Variants in ATF6 observed in about 807,000 individuals in gnomAD.
The protein encoded by ATF6 is activating transcription factor 6.
In ATF6, 53 loss-of-function variants were observed where a neutral mutation model predicts 83.6. That is an observed-to-expected ratio of 0.63 (90% confidence interval 0.51 to 0.80). The LOEUF (loss-of-function observed/expected upper bound fraction) is 0.80. Ranked by LOEUF, ATF6 falls within the 30% of genes least tolerant of loss-of-function variation. The pLI is 0.00. For missense variants in ATF6, 744 were observed against 797.9 expected, an observed-to-expected ratio of 0.93 and a Z score of 0.81; for synonymous variants, 288 against 285.8, an observed-to-expected ratio of 1.01 and a Z score of -0.08.
At chr1:161,933,911 A>G (rs938533531) in intron 15 of ATF6, among the ~76,000 whole-genome samples, 1 of 152,146 alleles carries the variant, frequency 6.6e-6, no homozygotes, top group African/African-American at 2.4e-5. Flanking sequence ...GGCTCGCTTC[A>G]CTTCATTTAC....
chr1:161,767,007 C>A (rs1292806027), intron 1 of ATF6, among the ~76,000 whole-genome samples: 1 of 152,098 alleles, frequency 6.6e-6, no homozygotes, highest in Non-Finnish European at 1.5e-5. Context: ...TGACTGCTCT[C>A]CAGATACAGC....
Position 161,790,350 on chromosome 1 carries a change from A to T in ATF6, c.355-1058A>T, listed in dbSNP as rs1219003290. Reference sequence around the variant, plus strand: ...AAGTAGAGATTATGTCTATTGCGTGATCATGCATGCCATCTTTTCTGTCTG... The same window carrying T: ...AAGTAGAGATTATGTCTATTGCGTGTTCATGCATGCCATCTTTTCTGTCTG... On this transcript the variant is annotated intron_variant, in intron 4 of 15. Transcript: ENST00000367942. Among the ~76,000 whole-genome samples the T allele has an allele frequency of 3.3e-5, 5 of 152,174 alleles. No individual in the cohort carries two copies. In the East Asian group the frequency reaches 9.6e-4, roughly 29 times the overall value.
intron 1 of ATF6, among the ~76,000 whole-genome samples, chr1:161,767,336 T>C (rs1684287804): frequency 6.6e-6 from 1 of 152,234 alleles, no homozygotes; most frequent in Non-Finnish European, 1.5e-5. Flanking sequence ...CTCAACTTTT[T>C]ATTGAACAAA....
At chr1:161,908,413 A>G (rs1223519772) in intron 14 of ATF6, among the ~76,000 whole-genome samples, 1 of 152,222 alleles carries the variant, frequency 6.6e-6, no homozygotes, top group African/African-American at 2.4e-5. Flanking sequence ...ATTGCTTGGA[A>G]GAGGGAATTG....
intron 15 of ATF6, among the ~76,000 whole-genome samples, chr1:161,943,482 G>A (rs751376814): frequency 7.9e-5 from 12 of 152,086 alleles, no homozygotes; most frequent in South Asian, 2.1e-4. Context: ...GTGTGAGAAC[G>A]GACTAATACA....
intron 15 of ATF6, among the ~76,000 whole-genome samples, chr1:161,957,518 A>T (rs947289976): frequency 1.3e-5 from 2 of 152,202 alleles, no homozygotes; most frequent in African/African-American, 4.8e-5. Context: ...AAGTTGGAAG[A>T]TGACCACCCA....
intron 7 of ATF6, among the ~76,000 whole-genome samples, chr1:161,803,382 T>C (rs1685203740): frequency 6.6e-6 from 1 of 152,192 alleles, no homozygotes; most frequent in Non-Finnish European, 1.5e-5. Context: ...AAACAATGCA[T>C]GTCAAGACAT....
At position 161,766,381 on chromosome 1, in the gene ATF6, T is replaced by G. The variant is rs760186881; in HGVS notation, c.21T>G (p.Val7=). The G allele has an allele frequency of 3.7e-6, 6 of 1,613,038 alleles. No homozygotes were observed. The highest frequency in any genetic ancestry group is 5.1e-6 in the Non-Finnish European group (6 of 1,179,470). The change falls in exon 1 of 16, where the codon GTT becomes GTG. Residue 7 remains valine (V), a synonymous_variant. Transcript: ENST00000367942. ...GTGAAATGGGGGAGCCGGCTGGGGT[T>G]GCCGGCACCATGGAGTCACCTTTTA... MGEPAG[V]AGTMESPFSP...
intron 14 of ATF6, among the ~76,000 whole-genome samples, chr1:161,904,927 T>A (rs1045078285): frequency 2.0e-5 from 3 of 152,210 alleles, no homozygotes; most frequent in Admixed American, 1.3e-4. Context: ...GGTTAAAATT[T>A]CTTATTCCAC....
chr1:161,897,626 G>C (rs1326512269), intron 14 of ATF6, among the ~76,000 whole-genome samples: 2 of 152,098 alleles, frequency 1.3e-5, no homozygotes, highest in Non-Finnish European at 2.9e-5. Flanking sequence ...CCCAAAAGAA[G>C]TTTATCTTTT....
At chr1:161,861,938 G>C (rs904725581) in intron 13 of ATF6, among the ~76,000 whole-genome samples, 2 of 152,194 alleles carry the variant, frequency 1.3e-5, no homozygotes, top group South Asian at 4.1e-4. Context: ...ACGTATGTTA[G>C]ATAAGTTTCA....
intron 14 of ATF6, among the ~76,000 whole-genome samples, chr1:161,902,814 G>A (rs1237021964): frequency 2.6e-5 from 4 of 152,150 alleles, no homozygotes; most frequent in Non-Finnish European, 5.9e-5. Flanking sequence ...GTGTTAGAGA[G>A]AAAAGTAAAG....
chr1:161,805,072 C>G (rs973125861), intron 7 of ATF6, among the ~76,000 whole-genome samples: 4 of 152,046 alleles, frequency 2.6e-5, no homozygotes, highest in African/African-American at 4.8e-5. Flanking sequence ...TCACACATCC[C>G]CCAGTTCTTC....
At chr1:161,766,695 C>A (rs1372747445) in intron 1 of ATF6, among the ~76,000 whole-genome samples, 2 of 152,136 alleles carry the variant, frequency 1.3e-5, no homozygotes, top group Admixed American at 1.3e-4. Flanking sequence ...TGGGGAAGTA[C>A]CGGGTGATCT....
intron 14 of ATF6, among the ~76,000 whole-genome samples, chr1:161,880,568 A>G (rs191454213): frequency 1.1e-4 from 16 of 152,224 alleles, no homozygotes; most frequent in African/African-American, 3.6e-4. Context: ...CAGCAGAATT[A>G]TTTTGAGATT....
At chr1:161,829,890 G>A (rs1686007095) in intron 9 of ATF6, among the ~76,000 whole-genome samples, 3 of 151,930 alleles carry the variant, frequency 2.0e-5, no homozygotes, top group Admixed American at 2.0e-4. Context: ...TTGAAAACTG[G>A]CACAAGACAG....
At chr1:161,913,693 A>G (rs142838089) in intron 15 of ATF6, among the ~76,000 whole-genome samples, 1 of 152,186 alleles carries the variant, frequency 6.6e-6, no homozygotes, top group Admixed American at 6.5e-5. Context: ...CTGAAGAAGA[A>G]TATATTCCAA....
intron 3 of ATF6, 102 bp downstream of exon 3, chr1:161,782,101 G>T (rs1213938936): frequency 1.4e-6 from 1 of 731,482 alleles, no homozygotes; most frequent in African/African-American, 1.8e-5. Flanking sequence ...ATTCTGGTAG[G>T]TTAAAAGATT....
At chr1:161,824,036 C>T (rs999551968) in intron 9 of ATF6, among the ~76,000 whole-genome samples, 7 of 152,084 alleles carry the variant, frequency 4.6e-5, no homozygotes, top group Non-Finnish European at 1.0e-4. Context: ...TAGAGTTTGC[C>T]AAATTGCCTT....
Sources: allele counts gnomAD v4.1 joint callset (sites outside exome capture counted in the v4.1 genomes callset), GRCh38; gene constraint gnomAD v4.1.1; transcripts MANE v1.5; gene names NCBI Gene and HGNC (gene_info 2026-07-23, HGNC 2026-07-21).